The following DIO1 variants were observed in gnomAD, a reference collection of about 807,000 sequenced individuals.
DIO1 encodes the protein iodothyronine deiodinase 1, also known as type I iodothyronine deiodinase.
DIO1 carries 17 observed loss-of-function variants against 25.9 expected under a neutral mutation model. The ratio of observed to expected loss-of-function variants is 0.66; its 90% CI spans 0.45 to 0.98. The LOEUF is 0.98. Ranked by LOEUF, DIO1 falls within the 50% of genes least tolerant of loss-of-function variation. DIO1 has a pLI of 0.00. For missense variants in DIO1, 270 were observed against 310.4 expected (o/e 0.87, Z 0.98); for synonymous variants, 115 against 114.0 (o/e 1.01, Z -0.05).
At chr1:53,909,783 G>T in intron 3 of DIO1, 148 bp from the exon 4 acceptor site, 1 of 714,800 alleles carries the variant, frequency 1.4e-6, no homozygotes. Context: ...ACCACCTCAC[G>T]GTTGCATCTG....
chr1:53,900,454 A>G (rs1651299515), intron 1 of DIO1, among the ~76,000 whole-genome samples: 1 of 152,104 alleles, frequency 6.6e-6, no homozygotes, highest in Non-Finnish European at 1.5e-5. Flanking sequence ...AAATACAAAA[A>G]TTAGCCAGGC....
At chr1:53,903,170 G>T (rs1384215711) in intron 1 of DIO1, 2 of 151,998 alleles carry the variant, frequency 1.3e-5, no homozygotes, top group Non-Finnish European at 2.9e-5. Flanking sequence ...AGTGTTGCAT[G>T]GCAGCTGTCC....
intron 1 of DIO1, among the ~76,000 whole-genome samples, chr1:53,902,483 G>A (rs1201203449): frequency 6.6e-6 from 1 of 151,814 alleles, no homozygotes; most frequent in Non-Finnish European, 1.5e-5. Context: ...GATAGGATGA[G>A]AGTATACTAC....
At position 53,894,648 on chromosome 1, in the gene DIO1, C is replaced by T; in HGVS notation, c.337+101C>T. On this transcript the variant is annotated intron_variant, in intron 1 of 3. Transcript: ENST00000361921. This position sits in a 1 kb window ranked among gnomAD's most constrained non-coding sequence, Gnocchi z 4.9. The stretch of plus-strand genomic sequence containing the variant: ...GTCCTGAATTCTCCTACTACTTTTG[C>T]TGCTCCTTTTGGACCTTCTTGTCCT... 8.7e-7 allele frequency: 1 copy of T among 1,149,526 alleles called. No individual in the cohort carries two copies. Among genetic ancestry groups the T allele is most frequent in the Admixed American group, 2.6e-5 (1 of 38,884 alleles). 71.2% of individuals were successfully genotyped at this position (1,149,526 alleles called of 1,614,324 possible). A position where few individuals can be genotyped will look rare whatever the true frequency, so the allele number is the denominator to read the frequency against.
chr1:53,902,104 C>G (rs1458901282), intron 1 of DIO1, among the ~76,000 whole-genome samples: 1 of 151,578 alleles, frequency 6.6e-6, no homozygotes, highest in African/African-American at 2.4e-5. Flanking sequence ...TTTGTGGGGC[C>G]TTGAACACAC....
At position 53,894,613 on chromosome 1, in the gene DIO1, G is replaced by A. The variant is rs764959844; in HGVS notation, c.337+66G>A. Reference sequence around the variant, plus strand: ...CAGTGGTAGAGGGGGATGAAGAGATGGGTTGGAAAGTCCTGAATTCTCCTA... The same window carrying A: ...CAGTGGTAGAGGGGGATGAAGAGATAGGTTGGAAAGTCCTGAATTCTCCTA... On this transcript the variant is annotated intron_variant, in intron 1 of 3. Transcript: ENST00000361921. The surrounding 1 kb of genome is among the most constrained non-coding windows in gnomAD (Gnocchi z 4.9). The A allele has an allele frequency of 2.2e-4, 317 of 1,424,582 alleles. No individual in the cohort carries two copies. Among genetic ancestry groups the A allele is most frequent in the Non-Finnish European group, 2.8e-4 (290 of 1,052,300 alleles). The allele number at this position is 1,424,582 out of a possible 1,614,324, so 88.2% of individuals were successfully genotyped here. A position where few individuals can be genotyped will look rare whatever the true frequency, so the allele number is the denominator to read the frequency against.
chr1:53,900,827 C>G (rs1441914526), intron 1 of DIO1, among the ~76,000 whole-genome samples: 1 of 151,866 alleles, frequency 6.6e-6, no homozygotes, highest in East Asian at 1.9e-4. Flanking sequence ...CTCTTTTTCT[C>G]TTATAGAGAC....
In DIO1 at chr1:53,906,286, C is replaced by T; in HGVS notation, c.673C>T (p.Leu225Phe). ...CTACATAATCCAGGAGGGCAGGATC[C>T]TCTACAAGGTGGTGACCTGGGGACA... ...RLYIIQEGRI[L>F]YKGKSGPWNY... The change falls in exon 3 of 4, where the codon CTC (leucine) becomes TTC (phenylalanine). Residue 225 changes from leucine (L) to phenylalanine (F), a missense_variant. Leu to Phe is a conservative substitution (Grantham distance 22). Transcript: ENST00000361921. 6.2e-7 allele frequency: 1 copy of T among 1,611,966 alleles called. No homozygotes were observed. The highest frequency in any genetic ancestry group is 8.5e-7 in the Non-Finnish European group (1 of 1,178,994).
intron 3 of DIO1, among the ~76,000 whole-genome samples, chr1:53,908,815 C>T (rs768946773): frequency 1.2e-4 from 19 of 152,058 alleles, no homozygotes; most frequent in Non-Finnish European, 2.4e-4. Flanking sequence ...GTACTTAGAA[C>T]GTTCACTGGC....
rs1435976083 is a variant in DIO1 at position 53,910,169 on chromosome 1, C to T, written c.*170C>T. On this transcript the variant is annotated 3_prime_UTR_variant, in exon 4 of 4. Coordinates refer to ENST00000361921, the MANE Select transcript of DIO1 (RefSeq NM_000792.7). ...CCCAGCTGAGGAATGCAGGCCACAG[C>T]ACCCAATCAAGACAAATTGTTATTA... The T allele has an allele frequency of 8.0e-6, 5 of 626,412 alleles. No homozygotes were observed. The highest frequency in any genetic ancestry group is 1.4e-5 in the Non-Finnish European group (5 of 349,890). 38.8% of individuals were successfully genotyped at this position (626,412 alleles called of 1,614,324 possible).
Position 53,906,430 on chromosome 1 carries a change from G to A in DIO1, c.681+136G>A, listed in dbSNP as rs144115078. ...ACTTACCAGCCATGTGACCATGGGC[G>A]AGTGCTTTCACTTCTTGGAGTTCCT... On this transcript the variant is annotated intron_variant, in intron 3 of 3. Transcript: ENST00000361921. The A allele has an allele frequency of 4.3e-4, 320 of 738,994 alleles. 4 individuals are homozygous for A. The East Asian group carries it at 7.9e-3, about 18-fold the overall frequency. 45.8% of individuals were successfully genotyped at this position (738,994 alleles called of 1,614,324 possible).
chr1:53,897,053 C>A lies in DIO1; in HGVS notation c.337+2506C>A, dbSNP rs570809902. 3.0e-3 allele frequency among the ~76,000 whole-genome samples: 457 copies of A among 152,310 alleles called. 3 individuals are homozygous for A. The highest frequency in any genetic ancestry group is 0.01 in the African/African-American group (423 of 41,558). On this transcript the variant is annotated intron_variant, in intron 1 of 3. Coordinates refer to ENST00000361921, the MANE Select transcript of DIO1 (RefSeq NM_000792.7). ...TGCCAAGCACTGTAACAGAACCAGGCCAATTTGCTGAATGCCAGTCATCTG... is the reference window on the plus strand; with the variant it reads ...TGCCAAGCACTGTAACAGAACCAGGACAATTTGCTGAATGCCAGTCATCTG...
At chr1:53,909,592 G>A (rs1199864228) in intron 3 of DIO1, among the ~76,000 whole-genome samples, 2 of 152,214 alleles carry the variant, frequency 1.3e-5, no homozygotes, top group Non-Finnish European at 2.9e-5. Flanking sequence ...AGGATGGGTA[G>A]AACTTGATGT....
chr1:53,895,801 A>G (rs1296330047), intron 1 of DIO1, among the ~76,000 whole-genome samples: 4 of 152,168 alleles, frequency 2.6e-5, no homozygotes, highest in African/African-American at 9.7e-5. Context: ...GGCCTTGTAC[A>G]TCTCTTGTAC....
intron 3 of DIO1, among the ~76,000 whole-genome samples, chr1:53,908,589 A>G (rs1467931154): frequency 6.6e-6 from 1 of 152,116 alleles, no homozygotes; most frequent in Non-Finnish European, 1.5e-5. Context: ...AAGGATAAGG[A>G]GTTGGCCTAG....
intron 2 of DIO1, 142 bp downstream of exon 2, chr1:53,904,951 C>A: frequency 1.1e-6 from 1 of 869,578 alleles, no homozygotes; most frequent in Non-Finnish European, 1.8e-6. Context: ...TGAGCACCCA[C>A]CACTCCCAGG....
chr1:53,908,303 A>G (rs1266067237), intron 3 of DIO1, among the ~76,000 whole-genome samples: 3 of 152,214 alleles, frequency 2.0e-5, no homozygotes, highest in Non-Finnish European at 4.4e-5. Context: ...AGACCCAAGT[A>G]AGACTATTAC....
rs774804349 is a variant in DIO1, at chr1:53,906,142, C to A, written c.529C>A (p.Leu177Ile). Residue 177 changes from leucine (L) to isoleucine (I), a missense_variant, in exon 3 of 4, where the codon CTT (leucine) becomes ATT (isoleucine). Coordinates refer to ENST00000361921, the MANE Select transcript of DIO1 (RefSeq NM_000792.7). ...CATGGACATCAGAAATCACCAGAAC[C>A]TTCAGGATCGCCTGCAGGCAGCCCA... is the stretch of plus-strand genomic sequence containing the variant. ...NNMDIRNHQN[L>I]QDRLQAAHLL... The A allele has an allele frequency of 2.5e-6, 4 of 1,614,236 alleles. No individual in the cohort carries two copies. The highest frequency in any genetic ancestry group is 2.5e-6 in the Non-Finnish European group (3 of 1,180,042).
chr1:53,895,251 C>T (rs982796672), intron 1 of DIO1, among the ~76,000 whole-genome samples: 17 of 152,082 alleles, frequency 1.1e-4, no homozygotes, highest in African/African-American at 2.9e-4. Flanking sequence ...GATGAAACCC[C>T]GTCTCTACTA....
Sources: allele counts gnomAD v4.1 joint callset (sites outside exome capture counted in the v4.1 genomes callset), GRCh38; gene constraint gnomAD v4.1.1; non-coding constraint Gnocchi (gnomAD v3.1); transcripts MANE v1.5; gene names NCBI Gene and HGNC (gene_info 2026-07-23, HGNC 2026-07-21).